Variants in NRG1 observed in about 807,000 individuals in gnomAD.
The protein encoded by NRG1 is pro-neuregulin-1, membrane-bound isoform.
Under a neutral mutation model 63.8 loss-of-function variants are expected in NRG1, and 18 were observed. That is an observed-to-expected ratio of 0.28 (90% CI 0.19 to 0.42). The LOEUF (loss-of-function observed/expected upper bound fraction) is 0.42. NRG1 is among the 10% of genes least tolerant of loss of function. NRG1 has a pLI of 1.00. For missense variants in NRG1, 762 were observed against 814.7 expected (o/e 0.94, Z 0.79); for synonymous variants, 302 against 301.3 (o/e 1.00, Z -0.02).
chr8:32,168,114 C>A (rs927657417), intron 1 of NRG1, among the ~76,000 whole-genome samples: 1 of 152,070 alleles, frequency 6.6e-6, no homozygotes, highest in Non-Finnish European at 1.5e-5. Context: ...ATCTGACGTG[C>A]AACTCAACTA....
rs186801185 is a variant in NRG1, at chr8:31,780,224, A to G, written c.37+140793A>G. Among the ~76,000 whole-genome samples, 49 of 152,320 alleles carry G rather than the reference A, an allele frequency of 3.2e-4. 1 individual carries two copies. Among genetic ancestry groups the G allele is most frequent in the African/African-American group, 1.0e-3 (43 of 41,572 alleles). Reference sequence around the variant, plus strand: ...CCACATCTTGAGAAATAATTTATTGACTAAACTCGAGTTGGCAAATGTAAA... The same window carrying G: ...CCACATCTTGAGAAATAATTTATTGGCTAAACTCGAGTTGGCAAATGTAAA... On this transcript the variant is annotated intron_variant, in intron 1 of 10. Transcript: ENST00000519301.
At position 32,007,636 on chromosome 8, in the gene NRG1, C is replaced by T. The variant is rs540081107; in HGVS notation, c.37+368205C>T. On this transcript the variant is annotated intron_variant, in intron 1 of 10. Coordinates refer to the NRG1 transcript ENST00000519301. The stretch of plus-strand genomic sequence containing the variant: ...CCAGTTCATGGCAGAGATAGAAAGT[C>T]GATCCACATCTCTTGATTTCCAATT... Among the ~76,000 whole-genome samples, 6 of 152,104 alleles carry T rather than the reference C, an allele frequency of 3.9e-5. No individual in the cohort carries two copies. The East Asian group carries it at 7.8e-4, about 20-fold the overall frequency.
chr8:32,274,548 C>T (rs564159762), intron 1 of NRG1, among the ~76,000 whole-genome samples: 1 of 152,274 alleles, frequency 6.6e-6, no homozygotes, highest in East Asian at 1.9e-4. Context: ...TTTTCATTAA[C>T]ATTTACAACA....
At chr8:32,054,503 C>A (rs1822519488) in intron 1 of NRG1, among the ~76,000 whole-genome samples, 1 of 152,132 alleles carries the variant, frequency 6.6e-6, no homozygotes, top group Non-Finnish European at 1.5e-5. Flanking sequence ...CCAAGGATAC[C>A]CAAATGCGTA....
At chr8:32,286,019 A>G (rs925218713) in intron 1 of NRG1, among the ~76,000 whole-genome samples, 1 of 152,162 alleles carries the variant, frequency 6.6e-6, no homozygotes, top group Admixed American at 6.5e-5. Context: ...CTTTCATTGT[A>G]CATAGCTTTC....
intron 1 of NRG1, among the ~76,000 whole-genome samples, chr8:32,132,343 C>T (rs926897249): frequency 3.3e-5 from 5 of 151,692 alleles, no homozygotes; most frequent in African/African-American, 1.2e-4. Context: ...TTGAACAGCC[C>T]TTTTCTTAAG....
intron 1 of NRG1, among the ~76,000 whole-genome samples, chr8:31,975,899 C>T (rs144834937): frequency 7.9e-5 from 12 of 152,172 alleles, no homozygotes; most frequent in African/African-American, 2.9e-4. Flanking sequence ...CATTCTATTG[C>T]TTTTATATTT....
intron 1 of NRG1, among the ~76,000 whole-genome samples, chr8:32,052,692 C>A (rs1822182422): frequency 6.6e-6 from 1 of 152,050 alleles, no homozygotes; most frequent in Non-Finnish European, 1.5e-5. Flanking sequence ...AGAATGAGAA[C>A]CCTTAGTTTA....
In NRG1 at chr8:32,673,087, A is replaced by C. The variant is rs185221716; in HGVS notation, c.503-54862A>C. Among the ~76,000 whole-genome samples the C allele has an allele frequency of 4.4e-3, 672 of 152,356 alleles. 8 individuals carry two copies. Among genetic ancestry groups the C allele is most frequent in the African/African-American group, 0.015 (635 of 41,590 alleles). On this transcript the variant is annotated intron_variant, in intron 5 of 11. Coordinates refer to ENST00000356819, the Ensembl canonical transcript of NRG1. ...CCTATAATTAAAACAAACCAAAGCC[A>C]AAAACATATCTTTCAAATGGTTTGG...
At chr8:32,330,081 A>AAAAAAAAT (rs1563322139) in intron 1 of NRG1, among the ~76,000 whole-genome samples, 4 of 125,098 alleles carry the variant, frequency 3.2e-5, no homozygotes, top group African/African-American at 1.2e-4. Context: ...AAAAAAAAAA[A>AAAAAAAAT]GTGTGTAGGG....
At chr8:32,560,130 C>T (rs915500770) in intron 1 of NRG1, among the ~76,000 whole-genome samples, 4 of 152,008 alleles carry the variant, frequency 2.6e-5, no homozygotes, top group African/African-American at 9.7e-5. Flanking sequence ...TAACTTTCTA[C>T]ATTCTATCAC....
chr8:32,335,064 A>G (rs1803089580), intron 1 of NRG1, among the ~76,000 whole-genome samples: 2 of 152,298 alleles, frequency 1.3e-5, no homozygotes, highest in South Asian at 4.1e-4. Flanking sequence ...TAATTGATAT[A>G]GTGGTATATA....
intron 1 of NRG1, among the ~76,000 whole-genome samples, chr8:31,860,272 C>T (rs1476829417): frequency 3.3e-5 from 5 of 152,230 alleles, no homozygotes; most frequent in Admixed American, 6.5e-5. Flanking sequence ...GGGCCAAGTT[C>T]AAGTCTAAAG....
At chr8:31,888,855 T>C (rs1830927598) in intron 1 of NRG1, among the ~76,000 whole-genome samples, 1 of 152,136 alleles carries the variant, frequency 6.6e-6, no homozygotes. Context: ...AACATATTCA[T>C]ACCTCCTTCT....
chr8:32,761,319 C>T (rs1380800611), intron 11 of NRG1, among the ~76,000 whole-genome samples: 2 of 152,110 alleles, frequency 1.3e-5, no homozygotes, highest in East Asian at 3.9e-4. Flanking sequence ...TGACCATTTA[C>T]TAAAAGGTTT....
chr8:32,313,994 C>A lies in NRG1; in HGVS notation c.38-281834C>A, dbSNP rs188351159. On this transcript the variant is annotated intron_variant, in intron 1 of 10. Coordinates refer to the NRG1 transcript ENST00000519301. ...TACTTTTGGCACCTCCCAATGCTGGCCAGGTCATGTTAACTACCCTTAATC... is the reference window on the plus strand; with the variant it reads ...TACTTTTGGCACCTCCCAATGCTGGACAGGTCATGTTAACTACCCTTAATC... 2.0e-5 allele frequency among the ~76,000 whole-genome samples: 3 copies of A among 152,184 alleles called. No individual in the cohort carries two copies. In the East Asian group the frequency reaches 5.8e-4, roughly 29 times the overall value.
chr8:31,678,425 G>C (rs1459697453), intron 1 of NRG1, among the ~76,000 whole-genome samples: 10 of 151,972 alleles, frequency 6.6e-5, no homozygotes, highest in African/African-American at 2.4e-4. Context: ...GTGTTCCTTA[G>C]ACCACCTTTG....
chr8:32,764,165 G>A, exon 12 of NRG1: 1 of 1,614,084 alleles, frequency 6.2e-7, no homozygotes, highest in Non-Finnish European at 8.5e-7. Context: ...GATTGGAAGT[G>A]GACAGCAACA....
intron 1 of NRG1, among the ~76,000 whole-genome samples, chr8:32,462,964 C>T (rs1424421999): frequency 6.6e-6 from 1 of 151,894 alleles, no homozygotes; most frequent in Non-Finnish European, 1.5e-5. Context: ...TCCATTTTCT[C>T]CTCTCCCTGC....
Sources: gnomAD v4.1 joint callset for allele counts (sites outside exome capture counted in the v4.1 genomes callset) on GRCh38, gnomAD v4.1.1 for gene constraint, MANE v1.5 for transcripts, NCBI Gene and HGNC (gene_info 2026-07-23, HGNC 2026-07-21) for gene names.